The following ATG16L1 variants were observed in gnomAD, a reference collection of about 807,000 sequenced individuals.
ATG16L1 encodes autophagy-related protein 16-1.
A neutral mutation model predicts 88.5 loss-of-function variants in ATG16L1; 37 were observed. The observed-to-expected ratio is 0.42, with a 90% confidence interval of 0.32 to 0.55. ATG16L1 has a LOEUF of 0.55. Among genes scored for constraint, ATG16L1 ranks in the 20% least tolerant of loss-of-function variants. ATG16L1 has a pLI of 0.13. For missense variants in ATG16L1, 554 were observed against 752.8 expected (o/e 0.74, Z 3.09); for synonymous variants, 301 against 281.0 (o/e 1.07, Z -0.71).
chr2:233,282,621 G>A (rs1182556206), intron 11 of ATG16L1, 61 bp from the exon 12 acceptor site: 22 of 1,393,822 alleles, frequency 1.6e-5, no homozygotes, highest in South Asian at 7.0e-5. Context: ...AATTTATATC[G>A]TGTGAACTGA....
intron 11 of ATG16L1, among the ~76,000 whole-genome samples, chr2:233,281,892 T>C (rs1303640780): frequency 1.3e-5 from 2 of 152,134 alleles, no homozygotes; most frequent in African/African-American, 2.4e-5. Flanking sequence ...TATGGCACGG[T>C]GGTGGTCTAT....
intron 14 of ATG16L1, among the ~76,000 whole-genome samples, chr2:233,290,963 C>T (rs993787640): frequency 3.9e-5 from 6 of 152,166 alleles, no homozygotes; most frequent in Admixed American, 1.3e-4. Flanking sequence ...GTCTAGTAGA[C>T]GACTTTGGTG....
chr2:233,272,551 A>AC (rs1457271529), intron 6 of ATG16L1, among the ~76,000 whole-genome samples: 1 of 152,080 alleles, frequency 6.6e-6, no homozygotes, highest in Non-Finnish European at 1.5e-5. Flanking sequence ...TACCCTAGGT[A>AC]CCCCTCAGCC....
chr2:233,266,764 T>G (rs1323004432), intron 5 of ATG16L1, among the ~76,000 whole-genome samples: 4 of 152,198 alleles, frequency 2.6e-5, no homozygotes, highest in African/African-American at 9.7e-5. Flanking sequence ...AAAGAAAATG[T>G]GCTGTACACA....
At chr2:233,278,222 T>C (rs1698502498) in intron 10 of ATG16L1, among the ~76,000 whole-genome samples, 1 of 152,202 alleles carries the variant, frequency 6.6e-6, no homozygotes, top group Non-Finnish European at 1.5e-5. Flanking sequence ...CTTTGGACTT[T>C]TAGGATGCTC....
intron 7 of ATG16L1, 33 bp from the exon 8 acceptor site, chr2:233,273,688 T>C: frequency 2.5e-6 from 4 of 1,606,366 alleles, no homozygotes; most frequent in Non-Finnish European, 3.4e-6. Flanking sequence ...AAAATGTTTC[T>C]AAGGTTTAAA....
chr2:233,286,656 C>T (rs1275556747), intron 12 of ATG16L1, among the ~76,000 whole-genome samples: 6 of 123,298 alleles, frequency 4.9e-5, no homozygotes, highest in South Asian at 3.0e-4. Flanking sequence ...GACAGTGTCT[C>T]GCTCAGTCAC....
chr2:233,257,934 G>A (rs916901473), intron 2 of ATG16L1, among the ~76,000 whole-genome samples: 3 of 151,324 alleles, frequency 2.0e-5, no homozygotes, highest in South Asian at 2.1e-4. Context: ...CCTGGGAGGC[G>A]GAAGTTGCAG....
intron 12 of ATG16L1, among the ~76,000 whole-genome samples, chr2:233,287,476 C>G (rs886280584): frequency 1.7e-4 from 26 of 152,306 alleles, no homozygotes; most frequent in African/African-American, 6.3e-4. Flanking sequence ...TGAACAATGT[C>G]TTTTTCTACC....
chr2:233,284,630 C>A (rs1698956034), intron 12 of ATG16L1, among the ~76,000 whole-genome samples: 1 of 152,196 alleles, frequency 6.6e-6, no homozygotes, highest in South Asian at 2.1e-4. Flanking sequence ...CTGCGCCTAG[C>A]CCAATTTTTG....
At chr2:233,265,391 T>A (rs1055858999) in intron 5 of ATG16L1, among the ~76,000 whole-genome samples, 4 of 152,252 alleles carry the variant, frequency 2.6e-5, no homozygotes, top group African/African-American at 9.6e-5. Flanking sequence ...AAAATTCTGA[T>A]CTTGCTAATG....
rs1342902852 is a variant in ATG16L1, at chr2:233,251,795, T to A, written c.-33T>A. 5 of 1,538,706 alleles carry A rather than the reference T, an allele frequency of 3.2e-6. No individual in the cohort carries two copies. The highest frequency in any genetic ancestry group is 4.4e-6 in the Non-Finnish European group (5 of 1,137,516). ...TGCGGCCGTCAGCCCTCGCTCGCAT[T>A]GGTGGCGCTGAGGTGCCGGGGCAGC... On this transcript the variant is annotated 5_prime_UTR_variant, in exon 1 of 18. Transcript: ENST00000392017.
chr2:233,256,719 C>T (rs115292229), intron 2 of ATG16L1, among the ~76,000 whole-genome samples: 7,393 of 147,438 alleles, frequency 0.05, 264 homozygotes, highest in Non-Finnish European at 0.071. Context: ...TTTTTTGAGA[C>T]AGTCTCACTC....
intron 12 of ATG16L1, chr2:233,288,819 T>A: frequency 1.9e-6 from 1 of 519,248 alleles, no homozygotes; most frequent in South Asian, 1.4e-5. Context: ...TCCCTCATTC[T>A]GTGTTCCTCC....
intron 1 of ATG16L1, among the ~76,000 whole-genome samples, chr2:233,255,861 A>T (rs1271850865): frequency 1.3e-5 from 2 of 152,136 alleles, no homozygotes; most frequent in Admixed American, 6.6e-5. Context: ...TCACTTTGCC[A>T]TTGTGTTTAG....
chr2:233,275,902 T>C (rs1289420746), intron 9 of ATG16L1: 1 of 519,190 alleles, frequency 1.9e-6, no homozygotes, highest in Admixed American at 1.9e-5. Flanking sequence ...AGTGATCGGC[T>C]CACAGCTGAC....
intron 17 of ATG16L1, among the ~76,000 whole-genome samples, chr2:233,293,628 T>TCCCACGTCCTCTGTGTCTCCTTCC (rs55920728): frequency 6.6e-6 from 1 of 152,096 alleles, no homozygotes; most frequent in African/African-American, 2.4e-5. Flanking sequence ...TTTGGTTATG[T>TCCCACGTCCTCTGTGTCTCCTTCC]CCACGTCCTC....
At position 233,287,648 on chromosome 2, in the gene ATG16L1, C is replaced by T. The variant is rs546482580; in HGVS notation, c.1204-2206C>T. 2.0e-5 allele frequency among the ~76,000 whole-genome samples: 3 copies of T among 152,296 alleles called. No homozygotes were observed. The South Asian group carries it at 6.2e-4, about 32-fold the overall frequency. On this transcript the variant is annotated intron_variant, in intron 12 of 17. Transcript: ENST00000392017. ...ATCTTAGCACTTTGGGAAGCCGAGG[C>T]AGGCGGATCACTTGAAGTCAGGAAT...
At chr2:233,253,344 T>TTG (rs1559372280) in intron 1 of ATG16L1, among the ~76,000 whole-genome samples, 1 of 123,032 alleles carries the variant, frequency 8.1e-6, no homozygotes, top group Admixed American at 8.1e-5. Context: ...TTTTTTGTTT[T>TTG]TTTTTTTTTT....
Sources: gnomAD v4.1 joint callset for allele counts (sites outside exome capture counted in the v4.1 genomes callset) on GRCh38, gnomAD v4.1.1 for gene constraint, MANE v1.5 for transcripts, NCBI Gene and HGNC (gene_info 2026-07-23, HGNC 2026-07-21) for gene names.